ANXA8: variants seen among roughly 807,000 people sequenced by gnomAD.
ANXA8 encodes annexin A8.
A neutral mutation model predicts 26.8 loss-of-function variants in ANXA8; 9 were observed. The ratio of observed to expected loss-of-function variants is 0.34; its 90% CI spans 0.20 to 0.59. The LOEUF (loss-of-function observed/expected upper bound fraction) is 0.59. Among genes scored for constraint, ANXA8 ranks in the 20% least tolerant of loss-of-function variants. The pLI, the probability that ANXA8 is intolerant of heterozygous loss-of-function variation, is 0.84. For missense variants in ANXA8, 83 were observed against 238.5 expected (o/e 0.35, Z 4.29); for synonymous variants, 39 against 94.8 (o/e 0.41, Z 3.42).
chr10:47,770,035 C>A, the ANXA8 span, among the ~76,000 whole-genome samples: 1 of 150,462 alleles, frequency 6.6e-6, no homozygotes, highest in Non-Finnish European at 1.5e-5. Context: ...AAAAGGGATG[C>A]CCACTTTTTT....
chr10:47,500,444 TG>T, the ANXA8 span, among the ~76,000 whole-genome samples: 1 of 150,730 alleles, frequency 6.6e-6, no homozygotes, highest in South Asian at 2.1e-4. Context: ...CATCGGCAGC[TG>T]CCTTCATAAG....
chr10:47,525,753 T>A, the ANXA8 span, among the ~76,000 whole-genome samples: 2 of 131,720 alleles, frequency 1.5e-5, 1 homozygote, highest in Non-Finnish European at 3.2e-5. Context: ...ATACAATTGA[T>A]AAATGATTCT....
At chr10:47,918,421 G>GAAAGAAAGAA in the ANXA8 span, among the ~76,000 whole-genome samples, 3 of 34,850 alleles carry the variant, frequency 8.6e-5, no homozygotes, top group East Asian at 1.1e-3. Flanking sequence ...AAGAAAGAAA[G>GAAAGAAAGAA]AAAGAAAGAA....
chr10:47,743,365 TATATAC>T, the ANXA8 span, among the ~76,000 whole-genome samples: 16 of 37,556 alleles, frequency 4.3e-4, no homozygotes, highest in East Asian at 1.4e-3. Context: ...CACATATATA[TATATAC>T]ATATATATGT....
the ANXA8 span, among the ~76,000 whole-genome samples, chr10:47,653,169 A>T: frequency 2.3e-3 from 346 of 150,538 alleles, 8 homozygotes; most frequent in African/African-American, 8.2e-3. Flanking sequence ...AAGATTAGGC[A>T]GGCATGGTGG....
chr10:47,736,866 G>T, the ANXA8 span, among the ~76,000 whole-genome samples: 1 of 150,750 alleles, frequency 6.6e-6, no homozygotes, highest in East Asian at 2.0e-4. Context: ...TGTTGGCCAG[G>T]CTAGTCTTGA....
intron 11 of ANXA8, among the ~76,000 whole-genome samples, chr10:47,469,568 C>T (rs1455977412): frequency 1.3e-5 from 2 of 151,794 alleles, no homozygotes; most frequent in Admixed American, 1.3e-4. Flanking sequence ...GACTGAGGAG[C>T]CCTGTTTCTT....
At chr10:47,489,627 A>G in the ANXA8 span, 1 of 699,806 alleles carries the variant, frequency 1.4e-6, no homozygotes, top group South Asian at 1.7e-5. Flanking sequence ...CACCTCCTTC[A>G]CCACTTCCTC....
the ANXA8 span, among the ~76,000 whole-genome samples, chr10:47,734,949 G>A: frequency 2.4e-5 from 3 of 125,320 alleles, 1 homozygote; most frequent in Admixed American, 1.6e-4. Flanking sequence ...AACCTGGGAG[G>A]TGGAGCTTGC....
At chr10:47,724,616 A>G in the ANXA8 span, among the ~76,000 whole-genome samples, 1 of 141,562 alleles carries the variant, frequency 7.1e-6, no homozygotes, top group African/African-American at 2.6e-5. Flanking sequence ...CTGTTATAGT[A>G]GCCTGGGTGT....
chr10:47,525,856 C>T, the ANXA8 span, among the ~76,000 whole-genome samples: 2 of 101,734 alleles, frequency 2.0e-5, no homozygotes, highest in African/African-American at 7.7e-5. Context: ...CCAGGCTGGA[C>T]TGCAATGGCG....
chr10:47,605,821 A>G, the ANXA8 span, among the ~76,000 whole-genome samples: 2 of 146,536 alleles, frequency 1.4e-5, no homozygotes, highest in East Asian at 4.0e-4. Flanking sequence ...ACTTATAAAC[A>G]TAGTAGAAAT....
the ANXA8 span, among the ~76,000 whole-genome samples, chr10:47,680,603 C>G: frequency 2.6e-5 from 4 of 151,488 alleles, no homozygotes; most frequent in African/African-American, 9.7e-5. Context: ...CCATCGCACT[C>G]CAGCCTGGGC....
chr10:47,475,129 A>T, intron 6 of ANXA8, 125 bp from the exon 7 acceptor site: 1 of 1,408,640 alleles, frequency 7.1e-7, no homozygotes, highest in Non-Finnish European at 9.8e-7. Context: ...AAACTTCGAC[A>T]AGCCAGTTAT....
the ANXA8 span, among the ~76,000 whole-genome samples, chr10:47,606,268 T>G: frequency 1.3e-5 from 2 of 148,984 alleles, no homozygotes; most frequent in Non-Finnish European, 2.9e-5. Context: ...AAACCACACT[T>G]TAAGCAAGAA....
the ANXA8 span, among the ~76,000 whole-genome samples, chr10:47,559,289 G>A: frequency 6.6e-6 from 1 of 150,756 alleles, no homozygotes; most frequent in Non-Finnish European, 1.5e-5. Flanking sequence ...ACCACACCCA[G>A]CTAATTTTTG....
the ANXA8 span, among the ~76,000 whole-genome samples, chr10:47,707,355 A>G: frequency 1.4e-5 from 2 of 142,922 alleles, no homozygotes; most frequent in Non-Finnish European, 3.1e-5. Context: ...CAACAAAACC[A>G]AAAATTGAAA....
chr10:47,485,898 G>C (rs1443058768), upstream of ANXA8, among the ~76,000 whole-genome samples: 3 of 151,862 alleles, frequency 2.0e-5, no homozygotes, highest in Non-Finnish European at 2.9e-5. Flanking sequence ...CATGAGGTCA[G>C]GAGATCGAGA....
chr10:47,942,037 A>G, the ANXA8 span, among the ~76,000 whole-genome samples: 3 of 147,752 alleles, frequency 2.0e-5, no homozygotes, highest in Admixed American at 2.0e-4. Context: ...AATATTTTAA[A>G]ATCAGTTGCT....
Sources: allele counts gnomAD v4.1 joint callset (sites outside exome capture counted in the v4.1 genomes callset), GRCh38; gene constraint gnomAD v4.1.1; transcripts MANE v1.5; gene names NCBI Gene and HGNC (gene_info 2026-07-23, HGNC 2026-07-21).